Variants in DMD observed in about 807,000 individuals in gnomAD.
DMD encodes the protein mutant dystrophin.
DMD carries 63 observed loss-of-function variants against 330.1 expected under a neutral mutation model. The observed-to-expected ratio is 0.19, with a 90% CI of 0.16 to 0.24. The LOEUF (loss-of-function observed/expected upper bound fraction) is 0.24, where lower values mean the gene tolerates loss of function less well. DMD is among the 10% of genes least tolerant of loss of function. The probability of loss-of-function intolerance (pLI) is 1.00; values close to 1 mark genes in which losing one functional copy is unlikely to be tolerated. For synonymous variants in DMD, 1,223 were observed against 959.8 expected, an observed-to-expected ratio of 1.27 and a Z score of -5.07; for missense variants, 3,344 against 2,684.1, an observed-to-expected ratio of 1.25 and a Z score of -5.43.
chrX:32,312,941 C>CA (rs1171543953), intron 41 of DMD, among the ~76,000 whole-genome samples: 19 of 19,188 alleles, frequency 9.9e-4, no homozygotes, highest in Admixed American at 2.0e-3. Context: ...AGCCTACGAA[C>CA]CAAAAAAAAA....
chrX:32,968,811 C>A (rs1269281518), intron 2 of DMD, among the ~76,000 whole-genome samples: 2 of 108,059 alleles, frequency 1.9e-5, no homozygotes, highest in Non-Finnish European at 3.8e-5. Context: ...GGGTGGATCA[C>A]GAGGTCAGGA....
chrX:32,748,186 T>C (rs1330231738), intron 7 of DMD, among the ~76,000 whole-genome samples: 4 of 108,623 alleles, frequency 3.7e-5, no homozygotes, highest in African/African-American at 1.3e-4. Flanking sequence ...CTACTAAAAA[T>C]ACACGAATTA....
chrX:32,610,781 G>A (rs1432916155), intron 12 of DMD, among the ~76,000 whole-genome samples: 1 of 111,125 alleles, frequency 9.0e-6, no homozygotes, highest in African/African-American at 3.3e-5. Flanking sequence ...GTTTGGTGAT[G>A]CAGCAGATGG....
chrX:31,779,301 G>A (rs1382700689), intron 50 of DMD, among the ~76,000 whole-genome samples: 1 of 111,612 alleles, frequency 9.0e-6, no homozygotes, highest in East Asian at 2.8e-4. Flanking sequence ...TTCCCCTCCA[G>A]CTGGCGGAAA....
At chrX:31,569,641 T>TATATATACGTATATATACGTATATATAC (rs771071830) in intron 55 of DMD, among the ~76,000 whole-genome samples, 1 of 82,864 alleles carries the variant, frequency 1.2e-5, no homozygotes, top group African/African-American at 4.4e-5. Flanking sequence ...CGTATATATA[T>TATATATACGTATATATACGTATATATAC]GTATATACGT....
intron 1 of DMD, among the ~76,000 whole-genome samples, chrX:33,165,216 T>G (rs1422900222): frequency 9.0e-6 from 1 of 111,600 alleles, no homozygotes; most frequent in African/African-American, 3.3e-5. Context: ...ACATGTCAGT[T>G]TGGGTTTCAG....
intron 41 of DMD, among the ~76,000 whole-genome samples, chrX:32,313,140 A>T (rs2097570595): frequency 9.2e-6 from 1 of 108,971 alleles, no homozygotes; most frequent in East Asian, 2.9e-4. Flanking sequence ...AACAAAAAAG[A>T]AAATCCTCAA....
chrX:32,282,083 G>T (rs1230406406), intron 43 of DMD, among the ~76,000 whole-genome samples: 1 of 111,840 alleles, frequency 8.9e-6, no homozygotes, highest in African/African-American at 3.2e-5. Flanking sequence ...TTGTAGTCTA[G>T]AAACTGCCTT....
At chrX:31,305,274 T>C (rs1311132432) in intron 62 of DMD, among the ~76,000 whole-genome samples, 1 of 111,890 alleles carries the variant, frequency 8.9e-6, no homozygotes, top group Non-Finnish European at 1.9e-5. Flanking sequence ...GGTGAGAACA[T>C]TAAAAATCTA....
At chrX:33,043,661 TTTAGATTA>T (rs2094336096) in intron 1 of DMD, among the ~76,000 whole-genome samples, 1 of 111,951 alleles carries the variant, frequency 8.9e-6, no homozygotes, top group Non-Finnish European at 1.9e-5. Context: ...TGTCTTTACT[TTTAGATTA>T]TAAAAACAAT....
chrX:32,511,436 C>G (rs1367096039), intron 18 of DMD, among the ~76,000 whole-genome samples: 1 of 100,869 alleles, frequency 9.9e-6, no homozygotes, highest in Non-Finnish European at 2.0e-5. Flanking sequence ...GCAGGAGAAT[C>G]GCTTGAACCC....
intron 1 of DMD, among the ~76,000 whole-genome samples, chrX:33,060,859 C>T (rs1289477884): frequency 9.3e-6 from 1 of 107,276 alleles, no homozygotes; most frequent in Non-Finnish European, 1.9e-5. Flanking sequence ...AAAAAAAATC[C>T]AATCTCTTTG....
intron 44 of DMD, among the ~76,000 whole-genome samples, chrX:32,112,960 C>T (rs2096595337): frequency 8.9e-6 from 1 of 112,337 alleles, no homozygotes; most frequent in Non-Finnish European, 1.9e-5. Flanking sequence ...GCAGGAGAAA[C>T]TCATGTTGTA....
intron 60 of DMD, among the ~76,000 whole-genome samples, chrX:31,365,778 C>T (rs2059197848): frequency 8.9e-6 from 1 of 112,638 alleles, no homozygotes; most frequent in Admixed American, 9.3e-5. Context: ...AAGTATTCCC[C>T]ACCTCCTGGC....
At chrX:31,833,128 A>G (rs184785737) in intron 49 of DMD, among the ~76,000 whole-genome samples, 4 of 111,283 alleles carry the variant, frequency 3.6e-5, no homozygotes, top group African/African-American at 1.3e-4. Context: ...CATTAATGTA[A>G]TATATTATAC....
At chrX:32,255,810 A>G (rs1251652390) in intron 43 of DMD, among the ~76,000 whole-genome samples, 1 of 111,852 alleles carries the variant, frequency 8.9e-6, no homozygotes, top group Non-Finnish European at 1.9e-5. Flanking sequence ...TTTATATGCT[A>G]TATAGAAAAC....
chrX:31,230,869 T>G (rs894519178), intron 63 of DMD, among the ~76,000 whole-genome samples: 1 of 112,095 alleles, frequency 8.9e-6, no homozygotes, highest in African/African-American at 3.2e-5. Context: ...CACTACTTCT[T>G]AGCAACACTG....
intron 33 of DMD, among the ~76,000 whole-genome samples, chrX:32,382,282 C>T: frequency 9.0e-6 from 1 of 111,389 alleles, no homozygotes; most frequent in Non-Finnish European, 1.9e-5. Flanking sequence ...ATACCACCAC[C>T]ACAAGTGCGT....
chrX:32,237,356 AT>A (rs369102170), intron 43 of DMD, among the ~76,000 whole-genome samples: 29 of 108,440 alleles, frequency 2.7e-4, no homozygotes, highest in African/African-American at 6.0e-4. Flanking sequence ...AATACATTAG[AT>A]TTTTTTTTTC....
Sources: allele counts gnomAD v4.1 joint callset (sites outside exome capture counted in the v4.1 genomes callset), GRCh38; gene constraint gnomAD v4.1.1; transcripts MANE v1.5; gene names NCBI Gene and HGNC (gene_info 2026-07-23, HGNC 2026-07-21).